The following DNAJC11 variants were observed in gnomAD, a reference collection of about 807,000 sequenced individuals.
The protein encoded by DNAJC11 is dnaJ homolog subfamily C member 11.
In DNAJC11, 15 loss-of-function variants were observed where a neutral mutation model predicts 78.6. The ratio of observed to expected loss-of-function variants is 0.19; its 90% CI spans 0.13 to 0.29. The LOEUF is 0.29. DNAJC11 is among the 10% of genes least tolerant of loss of function. DNAJC11 has a pLI of 1.00. For synonymous variants in DNAJC11, 292 were observed against 272.1 expected, an observed-to-expected ratio of 1.07 and a Z score of -0.72; for missense variants, 547 against 709.6, an observed-to-expected ratio of 0.77 and a Z score of 2.60.
intron 1 of DNAJC11, among the ~76,000 whole-genome samples, chr1:6,694,926 G>T (rs1479576639): frequency 7.0e-6 from 1 of 141,852 alleles, no homozygotes; most frequent in East Asian, 2.1e-4. Context: ...AATAAGCCGA[G>T]ATCGCACCAC....
intron 4 of DNAJC11, among the ~76,000 whole-genome samples, chr1:6,658,749 A>G (rs1275970496): frequency 6.6e-6 from 1 of 152,234 alleles, no homozygotes; most frequent in Non-Finnish European, 1.5e-5. Context: ...TTTTTAAATT[A>G]GTAGAGTTCT....
At chr1:6,638,607 C>A (rs376085938) in intron 11 of DNAJC11, among the ~76,000 whole-genome samples, 2 of 152,226 alleles carry the variant, frequency 1.3e-5, no homozygotes, top group African/African-American at 4.8e-5. Flanking sequence ...GACGGGACAC[C>A]GACTGTCAGT....
intron 1 of DNAJC11, among the ~76,000 whole-genome samples, chr1:6,690,677 C>A (rs1286810240): frequency 6.6e-6 from 1 of 152,202 alleles, no homozygotes; most frequent in East Asian, 1.9e-4. Flanking sequence ...GTAATCCCAG[C>A]ACTTTGGGAG....
In DNAJC11 at chr1:6,645,523, G is replaced by T. The variant is rs990240197; in HGVS notation, c.894+266C>A. Among the ~76,000 whole-genome samples the T allele has an allele frequency of 6.6e-6, 1 of 152,186 alleles. No individual in the cohort carries two copies. The highest frequency in any genetic ancestry group is 2.4e-5 in the African/African-American group (1 of 41,468). Reference sequence around the variant, plus strand: ...CATCTGCCCGCCCCCAATTCCGTGGGTGGCTCCCACCAGACATTAAGATGT... The same window carrying T: ...CATCTGCCCGCCCCCAATTCCGTGGTTGGCTCCCACCAGACATTAAGATGT... On this transcript the variant is annotated intron_variant, in intron 8 of 15. Transcript: ENST00000377577. The surrounding 1 kb of genome is among the most constrained non-coding windows in gnomAD (Gnocchi z 4.1).
Position 6,634,453 on chromosome 1 carries a change from G to T in DNAJC11, c.*1222C>A, listed in dbSNP as rs1043703. 0.2 allele frequency: 254,928 copies of T among 1,293,490 alleles called. 28,419 individuals are homozygous for T. Among genetic ancestry groups the T allele is most frequent in the Admixed American group, 0.41 (17,735 of 43,338 alleles). The allele number at this position is 1,293,490 out of a possible 1,614,324, so 80.1% of individuals were successfully genotyped here. On this transcript the variant is annotated 3_prime_UTR_variant, in exon 16 of 16. Coordinates refer to ENST00000377577, the MANE Select transcript of DNAJC11 (RefSeq NM_018198.4). ...TACTCAGATACCAGTGCTGGGGAGGGAGGCCTGACTTCAGCAACAGCTGTG... is the reference window on the plus strand; with the variant it reads ...TACTCAGATACCAGTGCTGGGGAGGTAGGCCTGACTTCAGCAACAGCTGTG...
At chr1:6,700,655 A>T (rs1642910539) in intron 1 of DNAJC11, among the ~76,000 whole-genome samples, 1 of 152,198 alleles carries the variant, frequency 6.6e-6, no homozygotes, top group South Asian at 2.1e-4. Flanking sequence ...CTCAGAATTA[A>T]ATGAGATAAC....
chr1:6,661,986 C>T (rs545149437), intron 4 of DNAJC11, among the ~76,000 whole-genome samples: 3 of 152,256 alleles, frequency 2.0e-5, no homozygotes, highest in South Asian at 2.1e-4. Flanking sequence ...GGCTGGAGTA[C>T]ATCTTGAAGG....
rs938876263 is a variant in DNAJC11 at position 6,678,009 on chromosome 1, A to G, written c.276+385T>C. Reference sequence around the variant, plus strand: ...AGAACTGAGGTGGAGAGAGAGGCACAGAACTGTGGAGGGTGGAAGGGAGTG... The same window carrying G: ...AGAACTGAGGTGGAGAGAGAGGCACGGAACTGTGGAGGGTGGAAGGGAGTG... On this transcript the variant is annotated intron_variant, in intron 3 of 15. Transcript: ENST00000377577. 5.9e-5 allele frequency among the ~76,000 whole-genome samples: 9 copies of G among 152,260 alleles called. No individual in the cohort carries two copies. In the East Asian group the frequency reaches 7.7e-4, roughly 13 times the overall value.
chr1:6,681,267 C>A (rs111775526), intron 1 of DNAJC11, among the ~76,000 whole-genome samples: 100 of 152,242 alleles, frequency 6.6e-4, no homozygotes, highest in African/African-American at 2.3e-3. Flanking sequence ...GGAAGTGCTG[C>A]TATCCAATGA....
At chr1:6,696,522 CA>C (rs1337629248) in intron 1 of DNAJC11, among the ~76,000 whole-genome samples, 3 of 152,174 alleles carry the variant, frequency 2.0e-5, no homozygotes, top group African/African-American at 7.2e-5. Context: ...ATCTGCAGCT[CA>C]AACTCAACTG....
chr1:6,685,756 C>T (rs1170903119), intron 1 of DNAJC11, among the ~76,000 whole-genome samples: 4 of 152,140 alleles, frequency 2.6e-5, no homozygotes, highest in Non-Finnish European at 4.4e-5. Flanking sequence ...TGGGTTTCCC[C>T]GGTTTGCAAA....
At position 6,634,609 on chromosome 1, in the gene DNAJC11, C is replaced by T; in HGVS notation, c.*1066G>A. On this transcript the variant is annotated 3_prime_UTR_variant, in exon 16 of 16. Coordinates refer to ENST00000377577, the MANE Select transcript of DNAJC11 (RefSeq NM_018198.4). The stretch of plus-strand genomic sequence containing the variant: ...CCACTTCCAGGCCCCGAGAGACAGG[C>T]CTCACGTAACTTTACTGCAGCCGAG... 2 of 1,366,330 alleles carry T rather than the reference C, an allele frequency of 1.5e-6. No homozygotes were observed. Among genetic ancestry groups the T allele is most frequent in the South Asian group, 1.1e-5 (1 of 87,906 alleles). 84.6% of individuals were successfully genotyped at this position (1,366,330 alleles called of 1,614,324 possible).
chr1:6,663,554 G>A (rs761964103), intron 4 of DNAJC11, among the ~76,000 whole-genome samples: 17 of 152,080 alleles, frequency 1.1e-4, no homozygotes, highest in Admixed American at 2.0e-4. Context: ...CAAGAAATGC[G>A]GATGGATTAT....
intron 6 of DNAJC11, among the ~76,000 whole-genome samples, chr1:6,652,112 A>T (rs1029392027): frequency 1.3e-5 from 2 of 152,230 alleles, no homozygotes; most frequent in African/African-American, 4.8e-5. Context: ...TGGAAGTCAC[A>T]GCTGAGCCTG....
At chr1:6,636,277 T>A (rs1347135004) in intron 14 of DNAJC11, 31 bp from the exon 15 acceptor site, 1 of 1,611,590 alleles carries the variant, frequency 6.2e-7, no homozygotes, top group South Asian at 1.1e-5. Flanking sequence ...CTCTCAATAC[T>A]CCAGACGGTC....
In DNAJC11 at chr1:6,653,857, T is replaced by C; in HGVS notation, c.507+54A>G. 4 of 1,599,078 alleles carry C rather than the reference T, an allele frequency of 2.5e-6. No individual in the cohort carries two copies. In the South Asian group the frequency reaches 4.4e-5, roughly 18 times the overall value. On this transcript the variant is annotated intron_variant, in intron 5 of 15. Transcript: ENST00000377577. The surrounding 1 kb of genome is among the most constrained non-coding windows in gnomAD (Gnocchi z 4.5). Reference sequence around the variant, plus strand: ...CTCATTCCAGCTGCTTGGTGTGCTGTGCCTCATTAACTCGAGCCCTTGCTG... The same window carrying C: ...CTCATTCCAGCTGCTTGGTGTGCTGCGCCTCATTAACTCGAGCCCTTGCTG...
intron 11 of DNAJC11, among the ~76,000 whole-genome samples, chr1:6,638,636 C>CCA (rs1641824177): frequency 1.3e-5 from 2 of 152,308 alleles, no homozygotes; most frequent in South Asian, 2.1e-4. Context: ...AAAGAAGACC[C>CCA]CACCACAGGA....
intron 1 of DNAJC11, among the ~76,000 whole-genome samples, chr1:6,693,606 A>C (rs1251947877): frequency 6.6e-6 from 1 of 150,920 alleles, no homozygotes; most frequent in Non-Finnish European, 1.5e-5. Flanking sequence ...CTGATCTCGA[A>C]CTCCTGACCT....
Position 6,637,192 on chromosome 1 carries a change from C to T in DNAJC11, c.1524+6G>A. 1.2e-6 allele frequency: 2 copies of T among 1,614,084 alleles called. No homozygotes were observed. The highest frequency in any genetic ancestry group is 2.2e-5 in the South Asian group (2 of 91,074). ...ACATAGCATGTGGTGGCTGGTGCTG[C>T]TGTACCTTGGAGGCCTCCGTGAGGA... On this transcript the variant is annotated splice_donor_region_variant and intron_variant, in intron 14 of 15. Transcript: ENST00000377577.
Sources: allele counts gnomAD v4.1 joint callset (sites outside exome capture counted in the v4.1 genomes callset), GRCh38; gene constraint gnomAD v4.1.1; non-coding constraint Gnocchi (gnomAD v3.1); transcripts MANE v1.5; gene names NCBI Gene and HGNC (gene_info 2026-07-23, HGNC 2026-07-21).